Variants in TRAPPC8 observed in about 807,000 individuals in gnomAD.
TRAPPC8 encodes general sporulation gene 1 homolog.
In TRAPPC8, 54 loss-of-function variants were observed where a neutral mutation model predicts 174.3. That is an observed-to-expected ratio of 0.31 (90% CI 0.25 to 0.39). The LOEUF is 0.39. Ranked by LOEUF, TRAPPC8 falls within the 10% of genes least tolerant of loss-of-function variation. The pLI, the probability that TRAPPC8 is intolerant of heterozygous loss-of-function variation, is 1.00. For synonymous variants in TRAPPC8, 630 were observed against 579.9 expected (o/e 1.09, Z -1.24); for missense variants, 1,531 against 1,699.1 (o/e 0.90, Z 1.74).
At chr18:31,842,966 G>GT (rs781224315) in intron 26 of TRAPPC8, among the ~76,000 whole-genome samples, 181 of 151,362 alleles carry the variant, frequency 1.2e-3, no homozygotes, top group African/African-American at 3.7e-3. Context: ...CCATTACATA[G>GT]TTTTTTTTTA....
intron 26 of TRAPPC8, among the ~76,000 whole-genome samples, chr18:31,846,505 G>A (rs968881144): frequency 2.0e-5 from 3 of 152,080 alleles, no homozygotes; most frequent in African/African-American, 7.2e-5. Flanking sequence ...AGCCCGGGGA[G>A]GTCAAGGCTG....
intron 11 of TRAPPC8, chr18:31,896,349 A>G (rs1019743083): frequency 6.6e-6 from 1 of 152,168 alleles, no homozygotes; most frequent in Non-Finnish European, 1.5e-5. Context: ...AAGAAAATAT[A>G]TTTTTAAAGG....
intron 21 of TRAPPC8, among the ~76,000 whole-genome samples, chr18:31,855,338 TCA>T (rs1340105911): frequency 6.6e-6 from 1 of 152,186 alleles, no homozygotes; most frequent in Non-Finnish European, 1.5e-5. Flanking sequence ...TAACAGAACC[TCA>T]CAATTTAGTA....
chr18:31,919,657 G>T (rs1382840559), intron 2 of TRAPPC8, among the ~76,000 whole-genome samples: 2 of 151,542 alleles, frequency 1.3e-5, no homozygotes, highest in East Asian at 3.9e-4. Flanking sequence ...AGGAGTTTGA[G>T]ACCAGCCTGG....
At chr18:31,942,370 G>A (rs187509958) in intron 1 of TRAPPC8, among the ~76,000 whole-genome samples, 2 of 152,320 alleles carry the variant, frequency 1.3e-5, no homozygotes, top group Admixed American at 1.3e-4. Context: ...AACGACCTAG[G>A]TTGTCCGAGG....
intron 2 of TRAPPC8, among the ~76,000 whole-genome samples, chr18:31,926,198 C>T (rs907277907): frequency 2.0e-5 from 3 of 152,142 alleles, no homozygotes; most frequent in African/African-American, 2.4e-5. Context: ...AATAACACCA[C>T]AATTGTATTG....
At chr18:31,933,741 A>G (rs1220566171) in intron 1 of TRAPPC8, among the ~76,000 whole-genome samples, 1 of 152,178 alleles carries the variant, frequency 6.6e-6, no homozygotes, top group African/African-American at 2.4e-5. Flanking sequence ...TTTTAAATAA[A>G]GTTATATGCA....
At chr18:31,849,470 A>G in intron 25 of TRAPPC8, 96 bp downstream of exon 25, 1 of 1,084,700 alleles carries the variant, frequency 9.2e-7, no homozygotes, top group Non-Finnish European at 1.2e-6. Flanking sequence ...AGAAAAGATA[A>G]GCATAAAAAA....
chr18:31,841,716 T>C (rs559839455), intron 26 of TRAPPC8, among the ~76,000 whole-genome samples: 97 of 152,304 alleles, frequency 6.4e-4, no homozygotes, highest in African/African-American at 2.3e-3. Context: ...TATGAGGACT[T>C]CTACCTATAC....
At chr18:31,845,239 T>C (rs999426278) in intron 26 of TRAPPC8, 2 of 150,804 alleles carry the variant, frequency 1.3e-5, no homozygotes, top group Non-Finnish European at 2.9e-5. Flanking sequence ...TCTTCAAAAA[T>C]GTCAATGTCA....
intron 24 of TRAPPC8, among the ~76,000 whole-genome samples, chr18:31,850,129 G>A (rs2033633377): frequency 2.0e-5 from 3 of 151,942 alleles, no homozygotes; most frequent in Admixed American, 2.0e-4. Context: ...TTTTTGTAGA[G>A]ACGGGGTTTT....
rs2034798366 is a variant in TRAPPC8 at position 31,870,450 on chromosome 18, C to A, written c.2310G>T (p.Leu770Phe). 2 of 1,612,244 alleles carry A rather than the reference C, an allele frequency of 1.2e-6. No homozygotes were observed. The highest frequency in any genetic ancestry group is 2.2e-5 in the South Asian group (2 of 90,882). ...AFRNPLKVLL[L>F]LTDLSLLWKF... ...TCCAAAGCAATGACAAATCAGTCAA[C>A]AAAAGTAGAACTTTCAAAGGGTTTC... The change falls in exon 16 of 29, where the codon TTG becomes TTT. Residue 770 changes from leucine to phenylalanine, a missense_variant. Leu to Phe is a conservative substitution (Grantham distance 22, BLOSUM62 0). Coordinates refer to ENST00000283351, the MANE Select transcript of TRAPPC8 (RefSeq NM_014939.5).
chr18:31,927,422 A>G (rs927050377), intron 2 of TRAPPC8, among the ~76,000 whole-genome samples: 5 of 151,988 alleles, frequency 3.3e-5, no homozygotes, highest in African/African-American at 4.8e-5. Context: ...GCTGCTGGCT[A>G]ATTTTTGAAT....
intron 3 of TRAPPC8, 54 bp from the exon 4 acceptor site, chr18:31,916,500 T>C: frequency 6.8e-7 from 1 of 1,479,936 alleles, no homozygotes; most frequent in Non-Finnish European, 9.1e-7. Context: ...TGATAAATAT[T>C]GTCCTACTGA....
intron 2 of TRAPPC8, among the ~76,000 whole-genome samples, 197 bp downstream of exon 2, chr18:31,931,132 A>C (rs1050759000): frequency 1.3e-5 from 2 of 152,218 alleles, no homozygotes; most frequent in Admixed American, 6.5e-5. Context: ...TTTATTATGC[A>C]TATGTTCTAG....
intron 10 of TRAPPC8, among the ~76,000 whole-genome samples, chr18:31,898,283 T>C (rs1474753798): frequency 6.6e-6 from 1 of 152,120 alleles, no homozygotes; most frequent in Non-Finnish European, 1.5e-5. Flanking sequence ...ATGCAGAACC[T>C]GCAGATACAT....
chr18:31,896,403 A>G (rs1269574563), intron 11 of TRAPPC8: 1 of 152,158 alleles, frequency 6.6e-6, no homozygotes, highest in African/African-American at 2.4e-5. Context: ...AGAGCTTGAA[A>G]ACAAAAATTA....
At chr18:31,839,578 A>C in intron 26 of TRAPPC8, 121 bp from the exon 27 acceptor site, 1 of 854,850 alleles carries the variant, frequency 1.2e-6, no homozygotes, top group Non-Finnish European at 1.6e-6. Context: ...CATGAACAGT[A>C]CTTTTCTGCT....
In TRAPPC8 at chr18:31,909,742, G is replaced by C. The variant is rs201471974; in HGVS notation, c.790C>G (p.Pro264Ala). ...TTCTTATTTGAAGTTATAGTACAAG[G>C]GCCATCTTCATATGATTCCTATCAA... ...IQNQESYEDG[P>A]CTITSNKNSD... is the part of the protein sequence containing the mutation. Residue 264 changes from proline to alanine, a missense_variant, in exon 6 of 29, where the codon CCT becomes GCT. Transcript: ENST00000283351. 2 of 1,590,812 alleles carry C rather than the reference G, an allele frequency of 1.3e-6. No homozygotes were observed. Among genetic ancestry groups the C allele is most frequent in the Admixed American group, 3.7e-5 (2 of 54,748 alleles).
Sources: allele counts gnomAD v4.1 joint callset (sites outside exome capture counted in the v4.1 genomes callset), GRCh38; gene constraint gnomAD v4.1.1; transcripts MANE v1.5; gene names NCBI Gene and HGNC (gene_info 2026-07-23, HGNC 2026-07-21).